Variants in SIRT1 observed in about 807,000 individuals in gnomAD.
SIRT1 encodes the protein sirtuin 1, also known as NAD-dependent protein deacetylase sirtuin-1.
Under a neutral mutation model 67.9 loss-of-function variants are expected in SIRT1, and 24 were observed. The observed-to-expected ratio is 0.35, with a 90% CI of 0.26 to 0.50. The LOEUF is 0.50. Ranked by LOEUF, SIRT1 falls within the 20% of genes least tolerant of loss-of-function variation. The pLI is 0.98. For synonymous variants in SIRT1, 378 were observed against 350.7 expected (o/e 1.08, Z -0.87); for missense variants, 873 against 937.2 (o/e 0.93, Z 0.89).
At chr10:67,900,866 G>A (rs1564888535) in intron 4 of SIRT1, among the ~76,000 whole-genome samples, 1 of 152,072 alleles carries the variant, frequency 6.6e-6, no homozygotes, top group Non-Finnish European at 1.5e-5. Flanking sequence ...TGACTTCTGG[G>A]AATATTATGT....
chr10:67,888,070 A>G (rs909616571), intron 2 of SIRT1, among the ~76,000 whole-genome samples: 1 of 152,206 alleles, frequency 6.6e-6, no homozygotes, highest in Admixed American at 6.5e-5. Context: ...ACTGACTTGT[A>G]TACTCCTGTC....
rs57073724 is a variant in SIRT1 at position 67,914,059 on chromosome 10, ATTTTTTTTTTTTT to A, written c.1915+1046_1915+1058del. Among the ~76,000 whole-genome samples, 38 of 88,250 alleles carry A rather than the reference ATTTTTTTTTTTTT, an allele frequency of 4.3e-4. 1 individual carries two copies. The highest frequency in any genetic ancestry group is 1.5e-3 in the African/African-American group (30 of 19,460). The allele number at this position is 88,250 out of a possible 152,430, so 57.9% of individuals were successfully genotyped here. A position where few individuals can be genotyped will look rare whatever the true frequency, so the allele number is the denominator to read the frequency against. The stretch of plus-strand genomic sequence containing the variant: ...GAACAAAACATCACACAAAAGGTAG[ATTTTTTTTTTTTT>A]TTTTTTTTTTTTTTTTTGTGACGGA... On this transcript the variant is annotated intron_variant, in intron 8 of 8. Coordinates refer to ENST00000212015, the MANE Select transcript of SIRT1 (RefSeq NM_012238.5).
At position 67,912,891 on chromosome 10, in the gene SIRT1, C is replaced by G; in HGVS notation, c.1775C>G (p.Ala592Gly). The G allele has an allele frequency of 1.9e-6, 3 of 1,614,020 alleles. No homozygotes were observed. The highest frequency in any genetic ancestry group is 2.5e-6 in the Non-Finnish European group (3 of 1,180,016). ...VQTSRNVESIAEQMENPDLKN... is the reference protein window; with the variant it reads ...VQTSRNVESIGEQMENPDLKN... ...ACTTCTAGGAATGTTGAAAGTATTG[C>G]TGAACAGATGGAAAATCCGGATTTG... The change falls in exon 8 of 9, where the codon GCT becomes GGT. Residue 592 changes from alanine (A) to glycine (G), a missense_variant. Physicochemically the swap from Ala to Gly is moderately conservative, Grantham distance 60 (BLOSUM62 0). Transcript: ENST00000212015.
chr10:67,914,803 G>C (rs1176269364), intron 8 of SIRT1, among the ~76,000 whole-genome samples: 1 of 151,888 alleles, frequency 6.6e-6, no homozygotes, highest in African/African-American at 2.4e-5. Context: ...CGCCTCCCGG[G>C]TTCAAGCGAT....
Position 67,912,566 on chromosome 10 carries a change from G to A in SIRT1, c.1450G>A (p.Val484Ile), listed in dbSNP as rs1312903591. The A allele has an allele frequency of 1.9e-6, 3 of 1,614,010 alleles. No individual in the cohort carries two copies. Among genetic ancestry groups the A allele is most frequent in the Admixed American group, 3.3e-5 (2 of 59,996 alleles). Residue 484 changes from valine to isoleucine, a missense_variant, in exon 8 of 9, where the codon GTC becomes ATC. Transcript: ENST00000212015. ...FDVELLGDCD[V>I]IINELCHRLG... Reference sequence around the variant, plus strand: ...TGTAGAGCTTCTTGGAGACTGTGATGTCATAATTAATGAATTGTGTCATAG... The same window carrying A: ...TGTAGAGCTTCTTGGAGACTGTGATATCATAATTAATGAATTGTGTCATAG...
intron 2 of SIRT1, among the ~76,000 whole-genome samples, chr10:67,887,938 A>G (rs1842511910): frequency 6.6e-6 from 1 of 152,092 alleles, no homozygotes; most frequent in East Asian, 1.9e-4. Context: ...CCCTCACTTC[A>G]TATTCCTTGT....
At chr10:67,894,994 C>T (rs1454463318) in intron 4 of SIRT1, among the ~76,000 whole-genome samples, 2 of 152,092 alleles carry the variant, frequency 1.3e-5, no homozygotes, top group Non-Finnish European at 2.9e-5. Context: ...CAATGTCCAG[C>T]TGATAAATTT....
At chr10:67,907,503 A>AAAAG (rs1554891332) in intron 5 of SIRT1, among the ~76,000 whole-genome samples, 7 of 148,550 alleles carry the variant, frequency 4.7e-5, no homozygotes, top group African/African-American at 1.7e-4. Context: ...AAAAAAAAAA[A>AAAAG]AAAAAGAAAA....
intron 3 of SIRT1, among the ~76,000 whole-genome samples, chr10:67,891,101 T>C (rs1842565974): frequency 6.6e-6 from 1 of 152,148 alleles, no homozygotes; most frequent in South Asian, 2.1e-4. Flanking sequence ...AATGGTTTAT[T>C]TTCTTCTCAA....
At chr10:67,906,714 T>C in intron 4 of SIRT1, 76 bp from the exon 5 acceptor site, 1 of 1,380,904 alleles carries the variant, frequency 7.2e-7, no homozygotes, top group Non-Finnish European at 1.0e-6. Context: ...GGATTATCAG[T>C]ATTTTTTTGT....
At chr10:67,900,581 A>C (rs946919251) in intron 4 of SIRT1, among the ~76,000 whole-genome samples, 4 of 152,164 alleles carry the variant, frequency 2.6e-5, no homozygotes, top group African/African-American at 9.6e-5. Context: ...AGTAGCTAGT[A>C]CTACAGGTGT....
intron 8 of SIRT1, among the ~76,000 whole-genome samples, chr10:67,915,078 A>C (rs1431412915): frequency 6.6e-6 from 1 of 151,918 alleles, no homozygotes; most frequent in African/African-American, 2.4e-5. Context: ...AATAGAGGGA[A>C]ATAAGTGGTT....
At chr10:67,886,954 C>G (rs183715945) in intron 1 of SIRT1, among the ~76,000 whole-genome samples, 2 of 152,062 alleles carry the variant, frequency 1.3e-5, no homozygotes, top group African/African-American at 4.8e-5. Context: ...TCACCGCAAC[C>G]TCCGCTTCCC....
At chr10:67,885,924 C>G (rs1842470965) in intron 1 of SIRT1, among the ~76,000 whole-genome samples, 1 of 146,264 alleles carries the variant, frequency 6.8e-6, no homozygotes, top group African/African-American at 2.5e-5. Flanking sequence ...TTGCAGTTGT[C>G]ATGTTCTTGA....
intron 7 of SIRT1, among the ~76,000 whole-genome samples, chr10:67,911,220 G>C (rs1472789258): frequency 2.6e-5 from 4 of 152,188 alleles, no homozygotes; most frequent in Non-Finnish European, 4.4e-5. Context: ...TTAGAGACGG[G>C]TGTCTTGCTG....
chr10:67,896,438 C>T (rs537277583), intron 4 of SIRT1, among the ~76,000 whole-genome samples: 1 of 152,294 alleles, frequency 6.6e-6, no homozygotes, highest in South Asian at 2.1e-4. Context: ...GCCACTGCAC[C>T]CGGCCTTGGG....
intron 4 of SIRT1, among the ~76,000 whole-genome samples, chr10:67,900,668 T>A (rs952753439): frequency 1.3e-5 from 2 of 152,066 alleles, no homozygotes; most frequent in Non-Finnish European, 2.9e-5. Flanking sequence ...GGTCTCAAAC[T>A]CCTGAGCTCG....
At chr10:67,905,564 T>C (rs79049033) in intron 4 of SIRT1, among the ~76,000 whole-genome samples, 8 of 151,758 alleles carry the variant, frequency 5.3e-5, no homozygotes, top group African/African-American at 1.9e-4. Context: ...GCAGTGGGAA[T>C]TTTTTTTTAA....
At chr10:67,902,773 G>A (rs890628295) in intron 4 of SIRT1, among the ~76,000 whole-genome samples, 1 of 152,170 alleles carries the variant, frequency 6.6e-6, no homozygotes, top group Non-Finnish European at 1.5e-5. Flanking sequence ...AAATTTTGAT[G>A]AATTCTCTAA....
Sources: allele counts gnomAD v4.1 joint callset (sites outside exome capture counted in the v4.1 genomes callset), GRCh38; gene constraint gnomAD v4.1.1; transcripts MANE v1.5; gene names NCBI Gene and HGNC (gene_info 2026-07-23, HGNC 2026-07-21).